Variants in RFX4 observed in about 807,000 individuals in gnomAD.
RFX4 encodes the protein regulatory factor X4.
Under a neutral mutation model 95.0 loss-of-function variants are expected in RFX4, and 10 were observed. The ratio of observed to expected loss-of-function variants is 0.11; its 90% CI spans 0.06 to 0.18. RFX4 has a LOEUF of 0.18. RFX4 is among the 10% of genes least tolerant of loss of function. The pLI, the probability that RFX4 is intolerant of heterozygous loss-of-function variation, is 1.00. For synonymous variants in RFX4, 321 were observed against 340.7 expected (o/e 0.94, Z 0.64); for missense variants, 640 against 922.0 (o/e 0.69, Z 3.96).
chr12:106,676,910 TTCG>T (rs1565975095), intron 4 of RFX4, among the ~76,000 whole-genome samples: 2 of 152,332 alleles, frequency 1.3e-5, no homozygotes, highest in Non-Finnish European at 2.9e-5. Flanking sequence ...GACATTCTCA[TTCG>T]TCTAGAAGCA....
At chr12:106,587,085 A>G (rs77237177) in intron 1 of RFX4, among the ~76,000 whole-genome samples, 9,122 of 152,302 alleles carry the variant, frequency 0.06, 288 homozygotes, top group Non-Finnish European at 0.071. Flanking sequence ...GCATGGTACC[A>G]GGGTTCCGAG....
intron 2 of RFX4, 142 bp downstream of exon 2, chr12:106,609,025 C>T (rs1487824271): frequency 3.0e-6 from 2 of 676,360 alleles, no homozygotes; most frequent in African/African-American, 3.7e-5. Context: ...TATCCCAGGT[C>T]CTCTCTGTAA....
At chr12:106,699,818 C>CT (rs2041950855) in intron 8 of RFX4, among the ~76,000 whole-genome samples, 1 of 151,750 alleles carries the variant, frequency 6.6e-6, no homozygotes, top group South Asian at 2.1e-4. Flanking sequence ...GGAGGTCTTT[C>CT]TTTTTTATTG....
intron 15 of RFX4, among the ~76,000 whole-genome samples, chr12:106,740,263 A>G (rs2137586534): frequency 6.6e-6 from 1 of 152,318 alleles, no homozygotes; most frequent in South Asian, 2.1e-4. Context: ...TGTAACAAAG[A>G]TAACCGACCC....
Position 106,747,559 on chromosome 12 carries a change from A to C in RFX4, c.1756A>C (p.Thr586Pro). The change falls in exon 16 of 18, where the codon ACA becomes CCA. Residue 586 changes from threonine (T) to proline (P), a missense_variant. Physicochemically the swap from Thr to Pro is conservative, Grantham distance 38. Around this residue, in one of 7 missense-constraint regions of RFX4, gnomAD observed 300 missense variants for 346.8 expected, o/e 0.87. Transcript: ENST00000392842. ...CACTCATGTGCCTTCTTCCTCCGTC[A>C]CACACAGGATACCAGTTTATCCCCA... ...RNTHVPSSSV[T>P]HRIPVYPHRE... 4 of 1,614,080 alleles carry C rather than the reference A, an allele frequency of 2.5e-6. No individual in the cohort carries two copies. The highest frequency in any genetic ancestry group is 3.4e-6 in the Non-Finnish European group (4 of 1,180,006).
At chr12:106,712,702 G>A (rs1338509649) in intron 10 of RFX4, among the ~76,000 whole-genome samples, 1 of 152,150 alleles carries the variant, frequency 6.6e-6, no homozygotes, top group African/African-American at 2.4e-5. Flanking sequence ...TGCTACAGAG[G>A]CTACACCTGG....
chr12:106,636,820 A>T (rs1289999395), intron 2 of RFX4, among the ~76,000 whole-genome samples: 1 of 152,190 alleles, frequency 6.6e-6, no homozygotes, highest in Non-Finnish European at 1.5e-5. Flanking sequence ...GGTTCAACAG[A>T]GGCACCACAT....
chr12:106,645,497 G>A (rs75693147), intron 3 of RFX4, among the ~76,000 whole-genome samples: 130 of 152,010 alleles, frequency 8.6e-4, no homozygotes, highest in African/African-American at 2.8e-3. Flanking sequence ...TGTCACTTTC[G>A]GGGGGGATTG....
At position 106,686,944 on chromosome 12, in the gene RFX4, C is replaced by T; in HGVS notation, c.438C>T (p.Ser146=). ...CCCAATATTATGATGTGATGTATTC[C>T]AAGAAAGGAGCTGCCTGGGTGAGTG... The part of the protein sequence containing the change: ...ESSQYYDVMY[S]KKGAAWVSET... Residue 146 remains serine (S), a synonymous_variant, in exon 6 of 18, where the codon TCC becomes TCT. Transcript: ENST00000392842. 9 of 1,613,396 alleles carry T rather than the reference C, an allele frequency of 5.6e-6. No individual in the cohort carries two copies. Among genetic ancestry groups the T allele is most frequent in the South Asian group, 1.1e-5 (1 of 91,050 alleles).
In RFX4 at chr12:106,657,850, C is replaced by T. The variant is rs184227184; in HGVS notation, c.315+3499C>T. ...CTTTATTTTTCTTTATAGCATTTAT[C>T]ATGACTTGAAATAGATATATTTATA... is the stretch of plus-strand genomic sequence containing the variant. On this transcript the variant is annotated intron_variant, in intron 4 of 17. Coordinates refer to ENST00000392842, the MANE Select transcript of RFX4 (RefSeq NM_213594.3). Among the ~76,000 whole-genome samples the T allele has an allele frequency of 2.8e-4, 43 of 152,190 alleles. No individual in the cohort carries two copies. In the East Asian group the frequency reaches 7.5e-3, roughly 27 times the overall value.
At chr12:106,728,737 G>A (rs763773728) in intron 13 of RFX4, among the ~76,000 whole-genome samples, 22 of 152,034 alleles carry the variant, frequency 1.4e-4, no homozygotes, top group African/African-American at 2.7e-4. Context: ...TCATCGCTGC[G>A]ACACTCTGGC....
chr12:106,694,192 T>C (rs1427809814), intron 7 of RFX4, among the ~76,000 whole-genome samples: 1 of 152,214 alleles, frequency 6.6e-6, no homozygotes, highest in Non-Finnish European at 1.5e-5. Flanking sequence ...ACCACTACGA[T>C]CATGTTTTCG....
chr12:106,601,416 C>T lies in RFX4; in HGVS notation c.44-7381C>T. The T allele has an allele frequency of 2.7e-6, 4 of 1,473,010 alleles. No homozygotes were observed. In the South Asian group the frequency reaches 5.1e-5, roughly 19 times the overall value. The allele number at this position is 1,473,010 out of a possible 1,614,324, so 91.2% of individuals were successfully genotyped here. ...ACCCTCAGGGGGAACTGGGGCCAGG[C>T]CCGCCTTGGTAGCTGTGAGTGTGGC... On this transcript the variant is annotated intron_variant, in intron 1 of 17. Transcript: ENST00000392842.
chr12:106,720,919 T>A lies in RFX4; in HGVS notation c.1351+43T>A. 1 of 1,564,606 alleles carries A rather than the reference T, an allele frequency of 6.4e-7. No homozygotes were observed. The stretch of plus-strand genomic sequence containing the variant: ...CTCCCCATCTCCAAGCACTTTTTCC[T>A]CTGGGCACGGAGCCCAGAGGAATCT... On this transcript the variant is annotated intron_variant, in intron 13 of 17. Coordinates refer to ENST00000392842, the MANE Select transcript of RFX4 (RefSeq NM_213594.3). This position sits in a 1 kb window ranked among gnomAD's most constrained non-coding sequence, Gnocchi z 4.2.
chr12:106,700,835 T>A (rs1201777743), intron 8 of RFX4, among the ~76,000 whole-genome samples: 1 of 152,254 alleles, frequency 6.6e-6, no homozygotes, highest in Non-Finnish European at 1.5e-5. Flanking sequence ...TGTCATACAT[T>A]TTGTTTTTGT....
intron 1 of RFX4, among the ~76,000 whole-genome samples, chr12:106,602,761 G>A (rs1409145350): frequency 6.6e-6 from 1 of 152,094 alleles, no homozygotes; most frequent in Non-Finnish European, 1.5e-5. Context: ...CCTTTCTGGT[G>A]GAGAATCCCC....
chr12:106,756,040 CA>C (rs1250696663), intron 17 of RFX4, among the ~76,000 whole-genome samples: 3 of 152,158 alleles, frequency 2.0e-5, no homozygotes, highest in African/African-American at 7.2e-5. Context: ...CTTATTTGCA[CA>C]ATATATACTT....
At position 106,635,342 on chromosome 12, in the gene RFX4, G is replaced by A. The variant is rs375083961; in HGVS notation, c.131-3990G>A. On this transcript the variant is annotated intron_variant, in intron 2 of 17. Transcript: ENST00000392842. ...TCATTGTTGTTTGTTTTTGAGACAG[G>A]GTTTCACTCCTGTCACACAGGCTGG... Among the ~76,000 whole-genome samples, 3 of 152,108 alleles carry A rather than the reference G, an allele frequency of 2.0e-5. No individual in the cohort carries two copies. The East Asian group carries it at 5.8e-4, about 29-fold the overall frequency.
At chr12:106,749,041 T>C (rs1217123933) in intron 16 of RFX4, among the ~76,000 whole-genome samples, 13 of 146,180 alleles carry the variant, frequency 8.9e-5, no homozygotes, top group South Asian at 4.4e-4. Context: ...GCTGAGATTG[T>C]GCCACTGCAC....
Sources: allele counts gnomAD v4.1 joint callset (sites outside exome capture counted in the v4.1 genomes callset), GRCh38; gene constraint gnomAD v4.1.1; regional missense constraint gnomAD v4.1.1; non-coding constraint Gnocchi (gnomAD v3.1); transcripts MANE v1.5; gene names NCBI Gene and HGNC (gene_info 2026-07-23, HGNC 2026-07-21).